The following PCSK1 variants were observed in gnomAD, a reference collection of about 807,000 sequenced individuals.
PCSK1 encodes the protein proprotein convertase subtilisin/kexin type 1.
Under a neutral mutation model 90.6 loss-of-function variants are expected in PCSK1, and 56 were observed. The ratio of observed to expected loss-of-function variants is 0.62; its 90% CI spans 0.50 to 0.77. The LOEUF is 0.77. Ranked by LOEUF, PCSK1 falls within the 30% of genes least tolerant of loss-of-function variation. PCSK1 has a pLI of 0.00. For missense variants in PCSK1, 801 were observed against 932.6 expected (o/e 0.86, Z 1.84); for synonymous variants, 348 against 342.4 (o/e 1.02, Z -0.18).
At position 96,412,752 on chromosome 5, in the gene PCSK1, G is replaced by GTTTTTTTTTTTTTTTTTTTTTTTT. The variant is rs57397343; in HGVS notation, c.710-263_710-262insAAAAAAAAAAAAAAAAAAAAAAAA. ...CATGCACTGTGTAGGCAGCTGTGAT[G>GTTTTTTTTTTTTTTTTTTTTTTTT]TTTTTTTTTTTTTTTTTTTTTTTGG... On this transcript the variant is annotated intron_variant, in intron 6 of 13. Coordinates refer to ENST00000311106, the MANE Select transcript of PCSK1 (RefSeq NM_000439.5). 3.1e-4 allele frequency among the ~76,000 whole-genome samples: 22 copies of GTTTTTTTTTTTTTTTTTTTTTTTT among 71,804 alleles called. 5 individuals are homozygous for GTTTTTTTTTTTTTTTTTTTTTTTT. Among genetic ancestry groups the GTTTTTTTTTTTTTTTTTTTTTTTT allele is most frequent in the African/African-American group, 1.9e-3 (21 of 11,124 alleles). 47.1% of individuals were successfully genotyped at this position (71,804 alleles called of 152,430 possible). A position where few individuals can be genotyped will look rare whatever the true frequency, so the allele number is the denominator to read the frequency against.
At position 96,392,993 on chromosome 5, in the gene PCSK1, C is replaced by T; in HGVS notation, c.*8G>A. ...TGAATATTTCCAACTTGGGACCACA[C>T]ACTTATTTTAATTTTCCTCATTCAG... On this transcript the variant is annotated 3_prime_UTR_variant, in exon 14 of 14. Coordinates refer to ENST00000311106, the MANE Select transcript of PCSK1 (RefSeq NM_000439.5). The T allele has an allele frequency of 1.9e-6, 3 of 1,614,016 alleles. No individual in the cohort carries two copies. The highest frequency in any genetic ancestry group is 3.3e-4 in the Middle Eastern group (2 of 6,062).
Position 96,432,979 on chromosome 5 carries a change from G to T in PCSK1, c.64C>A (p.Leu22Met), listed in dbSNP as rs901957088. ...TGCCTTTTCGCTTTTGCACTGTTCAGTGCACACCAAGCGCAAAAGAGGACG... is the reference window on the plus strand; with the variant it reads ...TGCCTTTTCGCTTTTGCACTGTTCATTGCACACCAAGCGCAAAAGAGGACG... ...AFVLFCAWCA[L>M]NSAKAKRQFV... Residue 22 changes from leucine (L) to methionine (M), a missense_variant, in exon 1 of 14, where the codon CTG becomes ATG. By Grantham distance (15) the Leu-to-Met change is conservative. Coordinates refer to ENST00000311106, the MANE Select transcript of PCSK1 (RefSeq NM_000439.5). The T allele has an allele frequency of 1.2e-6, 2 of 1,614,214 alleles. No homozygotes were observed. The highest frequency in any genetic ancestry group is 1.7e-6 in the Non-Finnish European group (2 of 1,180,020).
intron 9 of PCSK1, among the ~76,000 whole-genome samples, chr5:96,406,484 AG>A: frequency 6.6e-6 from 1 of 152,186 alleles, no homozygotes. Flanking sequence ...ACATCTTGCC[AG>A]CCCCTCCAAG....
chr5:96,410,939 C>T lies in PCSK1; in HGVS notation c.930G>A (p.Gly310=), dbSNP rs1561369295. The change falls in exon 8 of 14, where the codon GGG becomes GGA. Residue 310 remains glycine (G), a synonymous_variant. Coordinates refer to ENST00000311106, the MANE Select transcript of PCSK1 (RefSeq NM_000439.5). ...AGTCACAATTATCTCCCTGACGCCC[C>T]CCGTTTCCCGAAGCCCAGACGAAGA... is the stretch of plus-strand genomic sequence containing the variant. The part of the protein sequence containing the change: ...GSIFVWASGN[G]GRQGDNCDCD... 1 of 1,613,842 alleles carries T rather than the reference C, an allele frequency of 6.2e-7. No individual in the cohort carries two copies. The highest frequency in any genetic ancestry group is 1.3e-5 in the African/African-American group (1 of 74,854).
At chr5:96,428,854 A>T (rs957021817) in intron 2 of PCSK1, among the ~76,000 whole-genome samples, 1 of 152,132 alleles carries the variant, frequency 6.6e-6, no homozygotes, top group Non-Finnish European at 1.5e-5. Context: ...TTGTTGATTG[A>T]CTGTATTGTC....
rs1759945484 is a variant in PCSK1, at chr5:96,391,605, G to T, written c.*1396C>A. The T allele has an allele frequency of 6.6e-6, 1 of 152,232 alleles. No homozygotes were observed. Among genetic ancestry groups the T allele is most frequent in the South Asian group, 2.1e-4 (1 of 4,828 alleles). The allele number at this position is 152,232 out of a possible 1,614,324, so 9.4% of individuals were successfully genotyped here. On this transcript the variant is annotated 3_prime_UTR_variant, in exon 14 of 14. Transcript: ENST00000311106. ...TTTACACTTTGTACACATTCGCTTA[G>T]TGTAGGAGTGGGCAAAATCAAATGC...
At chr5:96,393,658 G>A (rs1306247151) in intron 13 of PCSK1, among the ~76,000 whole-genome samples, 1 of 152,198 alleles carries the variant, frequency 6.6e-6, no homozygotes, top group East Asian at 1.9e-4. Flanking sequence ...AGATGAGACT[G>A]TATAGGTAAG....
At chr5:96,429,553 G>C (rs773697079) in intron 1 of PCSK1, among the ~76,000 whole-genome samples, 1 of 152,000 alleles carries the variant, frequency 6.6e-6, no homozygotes, top group Non-Finnish European at 1.5e-5. Flanking sequence ...TCATCACCCA[G>C]GTATTAAGCC....
chr5:96,401,103 AAAAAAAAAAG>A (rs1350468240), intron 9 of PCSK1, among the ~76,000 whole-genome samples: 9 of 151,362 alleles, frequency 5.9e-5, no homozygotes, highest in African/African-American at 2.2e-4. Context: ...AAAAAAAAAA[AAAAAAAAAAG>A]AAGTTTACAA....
intron 3 of PCSK1, among the ~76,000 whole-genome samples, chr5:96,425,052 GAAAGAAAGAAAGAAAGA>G (rs1761259059): frequency 8.4e-6 from 1 of 119,252 alleles, no homozygotes; most frequent in Admixed American, 7.7e-5. Flanking sequence ...AAGAAAGAAA[GAAAGAAAGAAAGAAAGA>G]AAGAAAACGT....
chr5:96,426,413 T>C (rs925905104), intron 2 of PCSK1, among the ~76,000 whole-genome samples: 10 of 152,186 alleles, frequency 6.6e-5, no homozygotes, highest in Non-Finnish European at 2.9e-5. Context: ...AAAGTAAGAA[T>C]GGTGCTGTAT....
In PCSK1 at chr5:96,413,018, TCTGGA is replaced by T. The variant is rs148871226; in HGVS notation, c.710-533_710-529del. On this transcript the variant is annotated intron_variant, in intron 6 of 13. Coordinates refer to ENST00000311106, the MANE Select transcript of PCSK1 (RefSeq NM_000439.5). ...GGCCCAGTCTACGCCACACAAGGAC[TCTGGA>T]CAGGAAACATGTAGCTTCAAAAGAT... 8.2e-3 allele frequency: 7,687 copies of T among 936,730 alleles called. 482 individuals carry two copies. The African/African-American group carries it at 0.13, about 16-fold the overall frequency. 58.0% of individuals were successfully genotyped at this position (936,730 alleles called of 1,614,324 possible).
At position 96,426,237 on chromosome 5, in the gene PCSK1, T is replaced by C. The variant is rs1456001293; in HGVS notation, c.286-307A>G. Among the ~76,000 whole-genome samples, 4 of 152,312 alleles carry C rather than the reference T, an allele frequency of 2.6e-5. No homozygotes were observed. The South Asian group carries it at 6.2e-4, about 24-fold the overall frequency. ...AGTTCAGTCTGCTTTCATCAGCAAA[T>C]GGACCATAATACTCATTTTTATATT... On this transcript the variant is annotated intron_variant, in intron 2 of 13. Transcript: ENST00000311106.
At chr5:96,413,879 G>A (rs1324505444) in intron 6 of PCSK1, among the ~76,000 whole-genome samples, 3 of 149,652 alleles carry the variant, frequency 2.0e-5, no homozygotes, top group African/African-American at 7.4e-5. Flanking sequence ...CAGCACTTTG[G>A]GAGGCCGAGG....
chr5:96,415,618 TTTTTAAA>T (rs1580759608), intron 6 of PCSK1, among the ~76,000 whole-genome samples: 1 of 152,222 alleles, frequency 6.6e-6, no homozygotes, highest in East Asian at 1.9e-4. Flanking sequence ...GTATGTACTT[TTTTTAAA>T]TTTTGAAGCT....
At chr5:96,424,740 A>T (rs1445189670) in intron 3 of PCSK1, among the ~76,000 whole-genome samples, 1 of 152,118 alleles carries the variant, frequency 6.6e-6, no homozygotes, top group Non-Finnish European at 1.5e-5. Context: ...AGGCGGGTGG[A>T]TCACCTGAGG....
At chr5:96,420,135 C>A (rs1448634607) in intron 5 of PCSK1, among the ~76,000 whole-genome samples, 1 of 152,158 alleles carries the variant, frequency 6.6e-6, no homozygotes, top group Non-Finnish European at 1.5e-5. Context: ...ATTCCAAGTG[C>A]TTATTAGCCA....
At chr5:96,415,328 A>C (rs1411720028) in intron 6 of PCSK1, among the ~76,000 whole-genome samples, 1 of 152,162 alleles carries the variant, frequency 6.6e-6, no homozygotes, top group Admixed American at 6.5e-5. Flanking sequence ...GTTGTACTCA[A>C]GGCCTATCCA....
At chr5:96,410,014 G>T (rs184070478) in intron 8 of PCSK1, among the ~76,000 whole-genome samples, 7 of 152,264 alleles carry the variant, frequency 4.6e-5, no homozygotes, top group Admixed American at 3.3e-4. Context: ...ATTTCACTGA[G>T]ATAGGATCTA....
Sources: gnomAD v4.1 joint callset for allele counts (sites outside exome capture counted in the v4.1 genomes callset) on GRCh38, gnomAD v4.1.1 for gene constraint, MANE v1.5 for transcripts, NCBI Gene and HGNC (gene_info 2026-07-23, HGNC 2026-07-21) for gene names.